The following SGCZ variants were observed in gnomAD, a reference collection of about 807,000 sequenced individuals.
The protein encoded by SGCZ is zeta-sarcoglycan.
In SGCZ, 40 loss-of-function variants were observed where a neutral mutation model predicts 41.3. The ratio of observed to expected loss-of-function variants is 0.97; its 90% CI spans 0.75 to 1.26. SGCZ has a LOEUF of 1.26. Among genes scored for constraint, SGCZ ranks in the 50% most tolerant of loss-of-function variants. SGCZ has a pLI of 0.00. For synonymous variants in SGCZ, 206 were observed against 137.5 expected (o/e 1.50, Z -3.49); for missense variants, 552 against 369.8 (o/e 1.49, Z -4.04).
chr8:14,200,664 A>C (rs1243129747), intron 4 of SGCZ, among the ~76,000 whole-genome samples: 1 of 152,124 alleles, frequency 6.6e-6, no homozygotes, highest in African/African-American at 2.4e-5. Context: ...TATATAGAAA[A>C]AATAAGTCAA....
At chr8:14,799,686 A>T (rs1801254163) in intron 1 of SGCZ, among the ~76,000 whole-genome samples, 1 of 143,886 alleles carries the variant, frequency 6.9e-6, no homozygotes, top group African/African-American at 2.9e-5. Context: ...CAAAATAAAA[A>T]AAAATTTTTT....
chr8:14,420,670 A>T (rs1482809581), intron 2 of SGCZ, among the ~76,000 whole-genome samples: 2 of 152,080 alleles, frequency 1.3e-5, no homozygotes, highest in Non-Finnish European at 2.9e-5. Flanking sequence ...ATAGAACTGG[A>T]GAAATACCAC....
intron 2 of SGCZ, among the ~76,000 whole-genome samples, chr8:14,419,457 C>T (rs1799581553): frequency 6.6e-6 from 1 of 151,734 alleles, no homozygotes; most frequent in South Asian, 2.1e-4. Flanking sequence ...TATACTTTTG[C>T]TATCCTCTAT....
In SGCZ at chr8:14,976,141, G is replaced by C. The variant is rs59625427; in HGVS notation, c.39+261444C>G. On this transcript the variant is annotated intron_variant, in intron 1 of 7. Coordinates refer to ENST00000382080, the MANE Select transcript of SGCZ (RefSeq NM_139167.4). ...GGTTTCAAGCGATTCTCTCGCCCCA[G>C]CCTCAGAAGTAGCTGGGATACAGGC... 4.4e-3 allele frequency among the ~76,000 whole-genome samples: 663 copies of C among 151,634 alleles called. 4 individuals are homozygous for C. Among genetic ancestry groups the C allele is most frequent in the African/African-American group, 0.015 (624 of 41,314 alleles).
intron 1 of SGCZ, among the ~76,000 whole-genome samples, chr8:14,936,185 G>A (rs7002314): frequency 0.99 from 150,615 of 152,004 alleles, 74,622 homozygotes; most frequent in East Asian, 1. Flanking sequence ...AAGCCTATAC[G>A]ATGTTTTAAC....
chr8:14,786,945 T>C (rs753912720), intron 1 of SGCZ, among the ~76,000 whole-genome samples: 5 of 150,452 alleles, frequency 3.3e-5, no homozygotes, highest in African/African-American at 1.2e-4. Context: ...GGGTAGAAAA[T>C]AGATGTACCT....
chr8:14,299,638 C>T (rs1299233432), intron 3 of SGCZ, among the ~76,000 whole-genome samples: 1 of 151,824 alleles, frequency 6.6e-6, no homozygotes, highest in Non-Finnish European at 1.5e-5. Flanking sequence ...TCTTTAAAAA[C>T]CTAAACAGAC....
rs78420315 is a variant in SGCZ at position 14,087,720 on chromosome 8, A to G, written c.*2723T>C. 0.016 allele frequency among the ~76,000 whole-genome samples: 2,453 copies of G among 150,472 alleles called. 32 individuals carry two copies. The highest frequency in any genetic ancestry group is 0.022 in the East Asian group (112 of 5,136). Reference sequence around the variant, plus strand: ...TAAGGGACCACTATATTTTTAAAAAAAAAAAAATGCTTTTTTGTGTTTGAA... The same window carrying G: ...TAAGGGACCACTATATTTTTAAAAAGAAAAAAATGCTTTTTTGTGTTTGAA... On this transcript the variant is annotated 3_prime_UTR_variant, in exon 8 of 8. Coordinates refer to ENST00000382080, the MANE Select transcript of SGCZ (RefSeq NM_139167.4).
At chr8:14,657,733 T>G (rs950497317) in intron 1 of SGCZ, among the ~76,000 whole-genome samples, 4 of 152,174 alleles carry the variant, frequency 2.6e-5, no homozygotes, top group African/African-American at 9.7e-5. Context: ...AATATCACAA[T>G]CCATCAATGT....
chr8:14,468,990 A>G (rs976236830), intron 2 of SGCZ, among the ~76,000 whole-genome samples: 1 of 152,058 alleles, frequency 6.6e-6, no homozygotes, highest in Non-Finnish European at 1.5e-5. Flanking sequence ...TGTTTCCACT[A>G]TAATAACCTA....
chr8:14,180,591 G>GGAGTGCTCTT (rs1804690313), intron 4 of SGCZ, among the ~76,000 whole-genome samples: 1 of 152,070 alleles, frequency 6.6e-6, no homozygotes, highest in Non-Finnish European at 1.5e-5. Flanking sequence ...CGAATTGCCA[G>GGAGTGCTCTT]TACTGTTCCA....
At chr8:14,983,852 T>C (rs775660404) in intron 1 of SGCZ, among the ~76,000 whole-genome samples, 2 of 152,174 alleles carry the variant, frequency 1.3e-5, no homozygotes, top group Non-Finnish European at 2.9e-5. Flanking sequence ...GCATTCTATA[T>C]CTATTATATC....
chr8:14,281,819 A>C (rs1800451707), intron 3 of SGCZ, among the ~76,000 whole-genome samples: 1 of 151,986 alleles, frequency 6.6e-6, no homozygotes, highest in African/African-American at 2.4e-5. Context: ...GTGTATGTAT[A>C]TCTGGGTGTC....
intron 2 of SGCZ, among the ~76,000 whole-genome samples, chr8:14,471,820 G>A (rs891049964): frequency 2.0e-5 from 3 of 151,918 alleles, no homozygotes; most frequent in Non-Finnish European, 4.4e-5. Flanking sequence ...CTATTATGAC[G>A]ATTCTAAATA....
chr8:15,050,793 G>C (rs1427837282), intron 1 of SGCZ, among the ~76,000 whole-genome samples: 8 of 152,114 alleles, frequency 5.3e-5, no homozygotes, highest in Non-Finnish European at 8.8e-5. Flanking sequence ...TGAAGGGAAG[G>C]ATAAAAATGA....
intron 1 of SGCZ, among the ~76,000 whole-genome samples, chr8:14,694,539 G>A (rs1476731046): frequency 2.0e-5 from 3 of 152,054 alleles, no homozygotes; most frequent in African/African-American, 4.8e-5. Context: ...TTTGATCCTA[G>A]GACTCAATAA....
At chr8:15,220,555 C>T (rs754249546) in intron 1 of SGCZ, among the ~76,000 whole-genome samples, 1 of 152,016 alleles carries the variant, frequency 6.6e-6, no homozygotes, top group Non-Finnish European at 1.5e-5. Context: ...AGAGTAGGAA[C>T]TCTTAGAAAA....
intron 1 of SGCZ, among the ~76,000 whole-genome samples, chr8:14,586,526 C>T (rs892621340): frequency 1.3e-5 from 2 of 152,074 alleles, no homozygotes; most frequent in African/African-American, 4.8e-5. Context: ...AATATGCTTT[C>T]ATTTATTAAT....
At chr8:14,806,094 A>C (rs1456522849) in intron 1 of SGCZ, among the ~76,000 whole-genome samples, 2 of 151,960 alleles carry the variant, frequency 1.3e-5, no homozygotes, top group Admixed American at 6.6e-5. Flanking sequence ...TGTAGAGGGA[A>C]ATTTATAGCA....
Sources: gnomAD v4.1 joint callset for allele counts (sites outside exome capture counted in the v4.1 genomes callset) on GRCh38, gnomAD v4.1.1 for gene constraint, MANE v1.5 for transcripts, NCBI Gene and HGNC (gene_info 2026-07-23, HGNC 2026-07-21) for gene names.